The following FHIT variants were observed in gnomAD, a reference collection of about 807,000 sequenced individuals.
FHIT encodes fragile histidine triad diadenosine triphosphatase.
In FHIT, 19 loss-of-function variants were observed where a neutral mutation model predicts 17.9. The ratio of observed to expected loss-of-function variants is 1.06; its 90% CI spans 0.74 to 1.56. The LOEUF is 1.56. FHIT is among the 40% of genes most tolerant of loss of function. The pLI is 0.00. For missense variants in FHIT, 248 were observed against 189.2 expected (o/e 1.31, Z -1.82); for synonymous variants, 81 against 69.7 (o/e 1.16, Z -0.81).
chr3:59,854,600 T>A (rs1702076409), intron 8 of FHIT, among the ~76,000 whole-genome samples: 1 of 152,202 alleles, frequency 6.6e-6, no homozygotes, highest in Non-Finnish European at 1.5e-5. Flanking sequence ...CAGGGCAGAA[T>A]CCAGAGCTTA....
chr3:60,230,500 CCTT>C (rs1447985018), intron 5 of FHIT, among the ~76,000 whole-genome samples: 1 of 152,098 alleles, frequency 6.6e-6, no homozygotes, highest in Non-Finnish European at 1.5e-5. Flanking sequence ...TTCCGAGACT[CCTT>C]ATTTTTAAAA....
intron 1 of FHIT, among the ~76,000 whole-genome samples, chr3:61,207,455 T>C (rs192144266): frequency 2.4e-3 from 365 of 152,238 alleles, no homozygotes; most frequent in Admixed American, 3.9e-3. Flanking sequence ...GTCCTGGACT[T>C]TTTTTGGTTG....
chr3:60,406,839 A>C (rs936860588), intron 5 of FHIT, among the ~76,000 whole-genome samples: 1 of 152,122 alleles, frequency 6.6e-6, no homozygotes, highest in Non-Finnish European at 1.5e-5. Context: ...CACATTTCCC[A>C]ATTCAGGCCA....
chr3:60,745,707 T>C (rs2042342805), intron 4 of FHIT, among the ~76,000 whole-genome samples: 1 of 152,114 alleles, frequency 6.6e-6, no homozygotes, highest in East Asian at 1.9e-4. Context: ...CACATTGACA[T>C]ATTCTAACAA....
chr3:60,816,328 G>C (rs1407645103), intron 4 of FHIT, among the ~76,000 whole-genome samples: 1 of 152,030 alleles, frequency 6.6e-6, no homozygotes, highest in Admixed American at 6.6e-5. Flanking sequence ...AGTTCGCAAG[G>C]GTAATGCTTT....
At chr3:59,916,343 T>G (rs538878367) in intron 8 of FHIT, among the ~76,000 whole-genome samples, 1 of 152,188 alleles carries the variant, frequency 6.6e-6, no homozygotes, top group Non-Finnish European at 1.5e-5. Context: ...GACTGAAGGC[T>G]GCACCGTCAG....
chr3:61,017,322 ATAATGACT>A (rs2032170454), intron 3 of FHIT, among the ~76,000 whole-genome samples: 1 of 152,170 alleles, frequency 6.6e-6, no homozygotes, highest in Non-Finnish European at 1.5e-5. Flanking sequence ...AAAATAGAAG[ATAATGACT>A]GTGTGTGTGC....
intron 8 of FHIT, among the ~76,000 whole-genome samples, chr3:59,901,295 C>A (rs906710612): frequency 1.3e-5 from 2 of 152,164 alleles, no homozygotes; most frequent in African/African-American, 4.8e-5. Context: ...ACCTGTGGGA[C>A]CTTGGGTAAA....
intron 7 of FHIT, among the ~76,000 whole-genome samples, chr3:59,984,508 G>T (rs994810620): frequency 1.3e-5 from 2 of 151,982 alleles, no homozygotes; most frequent in African/African-American, 4.8e-5. Context: ...GCTAAACATT[G>T]TTCCTAAAGT....
intron 7 of FHIT, among the ~76,000 whole-genome samples, chr3:59,999,259 C>T (rs1348802625): frequency 6.6e-6 from 1 of 152,024 alleles, no homozygotes; most frequent in Non-Finnish European, 1.5e-5. Flanking sequence ...GAAAAACTAG[C>T]TGCAGGATAA....
intron 3 of FHIT, among the ~76,000 whole-genome samples, chr3:60,981,327 CAG>C (rs1323212820): frequency 1.6e-5 from 2 of 123,734 alleles, no homozygotes; most frequent in African/African-American, 3.1e-5. Flanking sequence ...TTTTTTTTGA[CAG>C]AGTCTCACTC....
chr3:60,606,704 C>T (rs2038619502), intron 4 of FHIT, among the ~76,000 whole-genome samples: 1 of 152,116 alleles, frequency 6.6e-6, no homozygotes, highest in Non-Finnish European at 1.5e-5. Context: ...GTGTCCTAAG[C>T]TCAGTTAATT....
At chr3:60,768,237 C>T (rs1699917543) in intron 4 of FHIT, among the ~76,000 whole-genome samples, 1 of 152,160 alleles carries the variant, frequency 6.6e-6, no homozygotes, top group Non-Finnish European at 1.5e-5. Flanking sequence ...CACGTTAATT[C>T]ATGGGCTCAT....
At chr3:60,204,069 TAA>T (rs1193260234) in intron 5 of FHIT, among the ~76,000 whole-genome samples, 2 of 152,128 alleles carry the variant, frequency 1.3e-5, no homozygotes, top group African/African-American at 2.4e-5. Flanking sequence ...CATTTTAAAA[TAA>T]AAGAGTATAA....
At chr3:60,464,517 T>C (rs1474686642) in intron 5 of FHIT, among the ~76,000 whole-genome samples, 1 of 152,070 alleles carries the variant, frequency 6.6e-6, no homozygotes, top group African/African-American at 2.4e-5. Context: ...CCAACTACCC[T>C]TCCCAGCTTC....
At chr3:59,924,908 ATC>A (rs1705577903) in intron 7 of FHIT, among the ~76,000 whole-genome samples, 5 of 152,192 alleles carry the variant, frequency 3.3e-5, no homozygotes. Context: ...GGCTTACAAT[ATC>A]CACCTGGTTT....
intron 4 of FHIT, among the ~76,000 whole-genome samples, chr3:60,551,885 G>A (rs2036571688): frequency 6.6e-6 from 1 of 151,872 alleles, no homozygotes; most frequent in Non-Finnish European, 1.5e-5. Flanking sequence ...TGTACAGTTT[G>A]ATGGTTTTCA....
At chr3:60,967,303 T>C (rs1235711913) in intron 3 of FHIT, among the ~76,000 whole-genome samples, 1 of 152,198 alleles carries the variant, frequency 6.6e-6, no homozygotes, top group African/African-American at 2.4e-5. Flanking sequence ...GTGGTAATCA[T>C]TCTTTCCCAA....
Position 60,007,407 on chromosome 3 carries a change from T to C in FHIT, c.279+3964A>G, listed in dbSNP as rs1039435682. The stretch of plus-strand genomic sequence containing the variant: ...TGCTGACTGCATGCTGGAATACACA[T>C]ACATATCGTCTTCTACTTCATGTTA... On this transcript the variant is annotated intron_variant, in intron 7 of 9. Transcript: ENST00000492590. Among the ~76,000 whole-genome samples the C allele has an allele frequency of 2.0e-5, 3 of 152,310 alleles. No homozygotes were observed. In the Middle Eastern group the frequency reaches 0.01, roughly 518 times the overall value.
Sources: allele counts gnomAD v4.1 joint callset (sites outside exome capture counted in the v4.1 genomes callset), GRCh38; gene constraint gnomAD v4.1.1; transcripts MANE v1.5; gene names NCBI Gene and HGNC (gene_info 2026-07-23, HGNC 2026-07-21).